The following MRPL27 variants were observed in gnomAD, a reference collection of about 807,000 sequenced individuals.
The protein encoded by MRPL27 is large ribosomal subunit protein bL27m.
Under a neutral mutation model 14.6 loss-of-function variants are expected in MRPL27, and 4 were observed. The observed-to-expected ratio is 0.27, with a 90% confidence interval of 0.14 to 0.63. The LOEUF is 0.63. MRPL27 is among the 20% of genes least tolerant of loss of function. The pLI is 0.85. For synonymous variants in MRPL27, 82 were observed against 75.5 expected (o/e 1.09, Z -0.45); for missense variants, 196 against 192.8 (o/e 1.02, Z -0.10).
intron 3 of MRPL27, chr17:50,369,632 GAAT>G (rs1398213852): frequency 1.4e-5 from 3 of 213,354 alleles, no homozygotes; most frequent in African/African-American, 7.1e-5. Context: ...AGAAGTCTTA[GAAT>G]AATGAAAAAC....
At chr17:50,372,745 T>C (rs1913209778) in intron 1 of MRPL27, 1 of 256,710 alleles carries the variant, frequency 3.9e-6, no homozygotes, top group Non-Finnish European at 7.6e-6. Context: ...CGTTTTCTGC[T>C]GATTTTCCGA....
chr17:50,370,518 C>G lies in MRPL27; in HGVS notation c.109G>C (p.Gly37Arg). Residue 37 changes from glycine to arginine, a missense_variant, in exon 2 of 4, where the codon GGT (glycine) becomes CGT (arginine). Physicochemically the swap from Gly to Arg is moderately radical, Grantham distance 125. Transcript: ENST00000225969. ...AVRYASKKSG[G>R]SSKNLGGKSS... ...TTTCCACCGAGGTTTTTGGAGCTAC[C>G]ACCCGACTTCTTGGATGCGTATCTG... The G allele has an allele frequency of 6.2e-7, 1 of 1,614,170 alleles. No individual in the cohort carries two copies. Among genetic ancestry groups the G allele is most frequent in the Non-Finnish European group, 8.5e-7 (1 of 1,180,034 alleles).
At position 50,370,536 on chromosome 17, in the gene MRPL27, C is replaced by T. The variant is rs200992355; in HGVS notation, c.91G>A (p.Ala31Thr). The T allele has an allele frequency of 1.2e-5, 20 of 1,614,164 alleles. No individual in the cohort carries two copies. Among genetic ancestry groups the T allele is most frequent in the South Asian group, 3.3e-5 (3 of 91,086 alleles). Residue 31 changes from alanine to threonine, a missense_variant, in exon 2 of 4, where the codon GCA (alanine) becomes ACA (threonine). Transcript: ENST00000225969. ...TPATALAVRY[A>T]SKKSGGSSKN... ...GAGCTACCACCCGACTTCTTGGATGCGTATCTGACAGCAAGAGCTGTAGCC... is the reference window on the plus strand; with the variant it reads ...GAGCTACCACCCGACTTCTTGGATGTGTATCTGACAGCAAGAGCTGTAGCC...
rs1567811651 is a variant in MRPL27, at chr17:50,368,274, G to A, written c.265C>T (p.Leu89=). The part of the protein sequence containing the change: ...AHVGVGKNKC[L]YALEEGIVRY... The stretch of plus-strand genomic sequence containing the variant: ...ACTATCCCCTCTTCCAGGGCATACA[G>A]ACATTTATTCTTCCCAACACCCACC... The change falls in exon 4 of 4, where the codon CTG becomes TTG. Residue 89 remains leucine, a synonymous_variant. Coordinates refer to ENST00000225969, the MANE Select transcript of MRPL27 (RefSeq NM_016504.3). The A allele has an allele frequency of 1.2e-6, 2 of 1,613,904 alleles. No homozygotes were observed. The highest frequency in any genetic ancestry group is 1.7e-6 in the Non-Finnish European group (2 of 1,179,972).
intron 1 of MRPL27, 122 bp downstream of exon 1, chr17:50,373,009 C>T (rs1313645286): frequency 2.2e-6 from 3 of 1,394,508 alleles, no homozygotes; most frequent in African/African-American, 2.9e-5. Context: ...CCTGGAGTAC[C>T]CCACACACTT....
intron 3 of MRPL27, chr17:50,368,973 G>A: frequency 1.5e-6 from 1 of 669,928 alleles, no homozygotes; most frequent in Non-Finnish European, 2.7e-6. Context: ...CTGGGTGTGT[G>A]GCAAATTTTA....
intron 1 of MRPL27, among the ~76,000 whole-genome samples, chr17:50,371,698 C>A (rs1317814633): frequency 6.6e-6 from 1 of 152,164 alleles, no homozygotes; most frequent in Non-Finnish European, 1.5e-5. Flanking sequence ...ACACCAGAGA[C>A]TAGCTGGGGC....
At chr17:50,372,092 C>A (rs1913171770) in intron 1 of MRPL27, among the ~76,000 whole-genome samples, 1 of 152,204 alleles carries the variant, frequency 6.6e-6, no homozygotes, top group Non-Finnish European at 1.5e-5. Context: ...CATCTCTCCT[C>A]AGGGCTATTA....
At chr17:50,372,581 A>G (rs927217928) in intron 1 of MRPL27, among the ~76,000 whole-genome samples, 17 of 152,164 alleles carry the variant, frequency 1.1e-4, no homozygotes, top group Non-Finnish European at 1.9e-4. Context: ...TCTCCTCAGA[A>G]GCCTTCCTTC....
Position 50,373,177 on chromosome 17 carries a change from GATCA to G in MRPL27, c.-11_-8del, listed in dbSNP as rs769190156. Reference sequence around the variant, plus strand: ...CCAACACCACCGACGCCATGCTTTCGATCACTCACTTCCGGTCTCGAAAAGTTTC... The same window carrying G: ...CCAACACCACCGACGCCATGCTTTCGCTCACTTCCGGTCTCGAAAAGTTTC... On this transcript the variant is annotated 5_prime_UTR_variant, in exon 1 of 4. Coordinates refer to ENST00000225969, the MANE Select transcript of MRPL27 (RefSeq NM_016504.3). The G allele has an allele frequency of 6.2e-7, 1 of 1,609,360 alleles. No individual in the cohort carries two copies. The highest frequency in any genetic ancestry group is 8.5e-7 in the Non-Finnish European group (1 of 1,176,806).
intron 3 of MRPL27, 52 bp downstream of exon 3, chr17:50,369,980 G>T (rs1032591989): frequency 6.3e-7 from 1 of 1,579,204 alleles, no homozygotes; most frequent in African/African-American, 1.4e-5. Context: ...TTAGGGGCAA[G>T]GAGAGGTCAA....
intron 3 of MRPL27, 30 bp from the exon 4 acceptor site, chr17:50,368,328 AGC>A: frequency 6.2e-7 from 1 of 1,607,572 alleles, no homozygotes. Context: ...TCAGCTGGTC[AGC>A]TGGTCAGCGA....
At position 50,372,896 on chromosome 17, in the gene MRPL27, C is replaced by G; in HGVS notation, c.40+235G>C. On this transcript the variant is annotated intron_variant, in intron 1 of 3. Transcript: ENST00000225969. ...CCAAATCCCCAACCGCCAAGGAACC[C>G]GTCCGTGCTGCTGAGGCAGGAGAAA... 6 of 591,566 alleles carry G rather than the reference C, an allele frequency of 1.0e-5. No individual in the cohort carries two copies. The South Asian group carries it at 1.2e-4, about 12-fold the overall frequency. The allele number at this position is 591,566 out of a possible 1,614,324, so 36.6% of individuals were successfully genotyped here.
At chr17:50,369,897 G>C (rs1381304971) in intron 3 of MRPL27, 135 bp downstream of exon 3, 10 of 974,518 alleles carry the variant, frequency 1.0e-5, no homozygotes, top group Non-Finnish European at 1.4e-5. Flanking sequence ...AAATGAGATC[G>C]TGTAGGCATG....
At chr17:50,370,797 C>A in intron 1 of MRPL27, 3 of 552,346 alleles carry the variant, frequency 5.4e-6, no homozygotes, top group Non-Finnish European at 6.4e-6. Context: ...CAGTGAAACA[C>A]AAATGGAAAA....
At chr17:50,368,452 G>A (rs537586735) in intron 3 of MRPL27, 154 bp from the exon 4 acceptor site, 17 of 717,436 alleles carry the variant, frequency 2.4e-5, no homozygotes, top group Admixed American at 2.2e-4. Flanking sequence ...TGGCTAGCAC[G>A]TCCAAACCTT....
At chr17:50,372,222 A>G (rs1210882413) in intron 1 of MRPL27, among the ~76,000 whole-genome samples, 1 of 137,726 alleles carries the variant, frequency 7.3e-6, no homozygotes, top group African/African-American at 2.6e-5. Context: ...CTCACTCTAC[A>G]CAGGTCTAGG....
In MRPL27 at chr17:50,370,469, A is replaced by C. The variant is rs1192778105; in HGVS notation, c.158T>G (p.Ile53Ser). The change falls in exon 2 of 4, where the codon ATT becomes AGT. Residue 53 changes from isoleucine to serine, a missense_variant. By Grantham distance (142) the Ile-to-Ser change is moderately radical. Coordinates refer to ENST00000225969, the MANE Select transcript of MRPL27 (RefSeq NM_016504.3). ...GGKSSGRRQG[I>S]KKMEGHYVHA... is the part of the protein sequence containing the mutation. ...CACATCCTCACCTTCCATTTTCTTA[A>C]TGCCTTGGCGTCTGCCTGATGACTT... The C allele has an allele frequency of 6.2e-7, 1 of 1,614,110 alleles. No homozygotes were observed. Among genetic ancestry groups the C allele is most frequent in the Non-Finnish European group, 8.5e-7 (1 of 1,179,994 alleles).
At chr17:50,370,324 G>C (rs748692417) in intron 2 of MRPL27, 131 bp downstream of exon 2, 28 of 1,454,870 alleles carry the variant, frequency 1.9e-5, no homozygotes, top group Non-Finnish European at 2.6e-5. Flanking sequence ...GGTCTTATCC[G>C]TTCCTTTAAA....
Sources: gnomAD v4.1 joint callset for allele counts (sites outside exome capture counted in the v4.1 genomes callset) on GRCh38, gnomAD v4.1.1 for gene constraint, MANE v1.5 for transcripts, NCBI Gene and HGNC (gene_info 2026-07-23, HGNC 2026-07-21) for gene names.